CA10: variants seen among roughly 807,000 people sequenced by gnomAD.
CA10 encodes the protein carbonic anhydrase-related protein 10.
In CA10, 14 loss-of-function variants were observed where a neutral mutation model predicts 44.2. The observed-to-expected ratio is 0.32, with a 90% CI of 0.21 to 0.50. The LOEUF (loss-of-function observed/expected upper bound fraction) is 0.50, where lower values mean the gene tolerates loss of function less well. Among genes scored for constraint, CA10 ranks in the 20% least tolerant of loss-of-function variants. The probability of loss-of-function intolerance (pLI) is 0.99; values close to 1 mark genes in which losing one functional copy is unlikely to be tolerated. For missense variants in CA10, 350 were observed against 409.7 expected (o/e 0.85, Z 1.26); for synonymous variants, 159 against 141.6 (o/e 1.12, Z -0.87).
chr17:52,157,154 A>G (rs1321342259), intron 1 of CA10, among the ~76,000 whole-genome samples: 2 of 152,180 alleles, frequency 1.3e-5, no homozygotes, highest in African/African-American at 2.4e-5. Context: ...TGCTTTAACA[A>G]GAAAATTGGG....
At chr17:52,131,051 TAAATC>T (rs1187391063) in intron 1 of CA10, among the ~76,000 whole-genome samples, 1 of 151,988 alleles carries the variant, frequency 6.6e-6, no homozygotes, top group Non-Finnish European at 1.5e-5. Context: ...AATGTATACA[TAAATC>T]AAAACACAAT....
At chr17:51,989,746 C>T (rs1367010409) in intron 2 of CA10, among the ~76,000 whole-genome samples, 2 of 152,092 alleles carry the variant, frequency 1.3e-5, no homozygotes, top group East Asian at 1.9e-4. Flanking sequence ...TGTTGCAGCT[C>T]GCTTCACAGA....
At chr17:52,156,415 T>C (rs1172763472) in intron 1 of CA10, among the ~76,000 whole-genome samples, 1 of 152,202 alleles carries the variant, frequency 6.6e-6, no homozygotes, top group African/African-American at 2.4e-5. Flanking sequence ...ATCTCACTGA[T>C]GTATCACAGA....
At chr17:51,948,298 A>G (rs561673390) in intron 2 of CA10, among the ~76,000 whole-genome samples, 3 of 152,198 alleles carry the variant, frequency 2.0e-5, no homozygotes, top group Non-Finnish European at 2.9e-5. Flanking sequence ...CTAGAGAGAC[A>G]CTGGAAGGCT....
chr17:52,025,099 A>T (rs756500146), intron 2 of CA10, among the ~76,000 whole-genome samples: 1 of 152,038 alleles, frequency 6.6e-6, no homozygotes, highest in Non-Finnish European at 1.5e-5. Flanking sequence ...CCATGGAAAA[A>T]AATGTCTTAA....
intron 6 of CA10, among the ~76,000 whole-genome samples, chr17:51,637,464 C>G (rs1367522347): frequency 6.6e-6 from 1 of 152,214 alleles, no homozygotes. Context: ...CTGGAGAACA[C>G]ATGGCAGGGT....
At chr17:52,123,203 T>G (rs1362424659) in intron 1 of CA10, among the ~76,000 whole-genome samples, 2 of 152,146 alleles carry the variant, frequency 1.3e-5, no homozygotes, top group Non-Finnish European at 2.9e-5. Flanking sequence ...CAAAAATAAT[T>G]ATAATGAAAT....
At chr17:52,064,860 C>A (rs1174460821) in intron 2 of CA10, among the ~76,000 whole-genome samples, 1 of 152,164 alleles carries the variant, frequency 6.6e-6, no homozygotes, top group African/African-American at 2.4e-5. Flanking sequence ...CAGAGGAATT[C>A]TGTATTATGA....
chr17:51,805,317 A>T (rs1268691628), intron 3 of CA10, among the ~76,000 whole-genome samples: 2 of 152,216 alleles, frequency 1.3e-5, no homozygotes, highest in Non-Finnish European at 2.9e-5. Context: ...TTCAAAGGTG[A>T]TTGAGTAAAA....
In CA10 at chr17:51,968,945, G is replaced by C. The variant is rs1367634568; in HGVS notation, c.137-37813C>G. Reference sequence around the variant, plus strand: ...ATTAGTTTTCTTTTGTTTTTAACTTGAACTACATTGAATATCTTTTTTCTA... The same window carrying C: ...ATTAGTTTTCTTTTGTTTTTAACTTCAACTACATTGAATATCTTTTTTCTA... On this transcript the variant is annotated intron_variant, in intron 2 of 8. Transcript: ENST00000451037. Among the ~76,000 whole-genome samples the C allele has an allele frequency of 3.3e-5, 5 of 151,930 alleles. No homozygotes were observed. The East Asian group carries it at 9.7e-4, about 29-fold the overall frequency.
intron 3 of CA10, among the ~76,000 whole-genome samples, chr17:51,860,331 C>T (rs746065192): frequency 1.3e-5 from 2 of 152,198 alleles, no homozygotes; most frequent in African/African-American, 2.4e-5. Context: ...CTCTTTGCCT[C>T]ATAAGTCTTA....
At chr17:51,643,008 C>T (rs1913157674) in intron 6 of CA10, among the ~76,000 whole-genome samples, 1 of 152,134 alleles carries the variant, frequency 6.6e-6, no homozygotes, top group Admixed American at 6.5e-5. Context: ...TGAATGGGGG[C>T]ATGCGACACT....
intron 2 of CA10, among the ~76,000 whole-genome samples, chr17:51,971,985 A>G (rs966618651): frequency 1.3e-5 from 2 of 152,082 alleles, no homozygotes; most frequent in Non-Finnish European, 2.9e-5. Flanking sequence ...ATTTGATCAC[A>G]CTAGAGTGGG....
At chr17:51,767,766 T>C (rs550374155) in intron 3 of CA10, among the ~76,000 whole-genome samples, 111 of 149,658 alleles carry the variant, frequency 7.4e-4, no homozygotes, top group Non-Finnish European at 1.2e-3. Context: ...CTGGGGGTGA[T>C]GGGAGACAGT....
At chr17:51,701,961 C>T (rs999580142) in intron 4 of CA10, among the ~76,000 whole-genome samples, 1 of 152,196 alleles carries the variant, frequency 6.6e-6, no homozygotes, top group Admixed American at 6.5e-5. Context: ...CTCAGGTTGG[C>T]ACCTTACCCA....
intron 1 of CA10, among the ~76,000 whole-genome samples, chr17:52,084,905 T>C (rs1024725213): frequency 4.6e-5 from 7 of 152,144 alleles, no homozygotes; most frequent in Non-Finnish European, 8.8e-5. Context: ...TTCCAGGAAG[T>C]GCTAAAAGAA....
At chr17:51,988,764 T>C (rs1230886978) in intron 2 of CA10, among the ~76,000 whole-genome samples, 2 of 151,954 alleles carry the variant, frequency 1.3e-5, no homozygotes, top group African/African-American at 2.4e-5. Flanking sequence ...CACTGTTCAA[T>C]AGAGATACAA....
rs375294293 is a variant in CA10 at position 51,691,558 on chromosome 17, A to G, written c.466-37822T>C. 6.6e-5 allele frequency among the ~76,000 whole-genome samples: 10 copies of G among 152,180 alleles called. No individual in the cohort carries two copies. The East Asian group carries it at 1.7e-3, about 26-fold the overall frequency. ...CTGTTGATAATTTCCTTGGCTGCAT[A>G]AAAGGTTTTCAGTTTGATGTAGTCC... On this transcript the variant is annotated intron_variant, in intron 4 of 8. Transcript: ENST00000451037.
At chr17:52,154,444 A>T (rs1235620943) in intron 1 of CA10, among the ~76,000 whole-genome samples, 6 of 152,226 alleles carry the variant, frequency 3.9e-5, no homozygotes, top group Non-Finnish European at 4.4e-5. Context: ...GTAAAGTTAC[A>T]TAAGGAGGAA....
Sources: gnomAD v4.1 joint callset for allele counts (sites outside exome capture counted in the v4.1 genomes callset) on GRCh38, gnomAD v4.1.1 for gene constraint, MANE v1.5 for transcripts, NCBI Gene and HGNC (gene_info 2026-07-23, HGNC 2026-07-21) for gene names.